Variants in PDE11A observed in about 807,000 individuals in gnomAD.
PDE11A encodes the protein phosphodiesterase 11A.
In PDE11A, 100 loss-of-function variants were observed where a neutral mutation model predicts 100.5. The ratio of observed to expected loss-of-function variants is 1.00; its 90% CI spans 0.85 to 1.18. PDE11A has a LOEUF of 1.18. Among genes scored for constraint, PDE11A ranks in the 50% most tolerant of loss-of-function variants. PDE11A has a pLI of 0.00. For missense variants in PDE11A, 1,141 were observed against 1,152.6 expected, an observed-to-expected ratio of 0.99 and a Z score of 0.15; for synonymous variants, 381 against 420.8, an observed-to-expected ratio of 0.91 and a Z score of 1.16.
At chr2:177,667,606 G>A (rs888652416) in intron 18 of PDE11A, among the ~76,000 whole-genome samples, 1 of 152,186 alleles carries the variant, frequency 6.6e-6, no homozygotes, top group Admixed American at 6.5e-5. Context: ...AAAAAAATGA[G>A]TGTGAGGCCC....
At chr2:178,058,271 T>C (rs992495713) in intron 1 of PDE11A, among the ~76,000 whole-genome samples, 6 of 152,188 alleles carry the variant, frequency 3.9e-5, no homozygotes, top group African/African-American at 7.2e-5. Context: ...CTGATATGGT[T>C]TGGCTGTGTC....
intron 2 of PDE11A, among the ~76,000 whole-genome samples, chr2:178,079,840 C>A (rs1485638131): frequency 6.6e-6 from 1 of 152,160 alleles, no homozygotes; most frequent in Admixed American, 6.5e-5. Context: ...AGAAACAATT[C>A]TGACTGGCAT....
At chr2:178,035,268 A>C (rs1574357271) in intron 1 of PDE11A, among the ~76,000 whole-genome samples, 1 of 152,352 alleles carries the variant, frequency 6.6e-6, no homozygotes, top group Middle Eastern at 3.4e-3. Context: ...AATAAACTAG[A>C]AAATCTAGAA....
At chr2:177,773,385 T>C (rs966073110) in intron 9 of PDE11A, among the ~76,000 whole-genome samples, 2 of 152,218 alleles carry the variant, frequency 1.3e-5, no homozygotes, top group African/African-American at 4.8e-5. Flanking sequence ...AACTTTATAG[T>C]TTTATCTTTT....
intron 16 of PDE11A, among the ~76,000 whole-genome samples, chr2:177,680,216 G>T (rs142278668): frequency 0.018 from 2,749 of 152,232 alleles, 48 homozygotes; most frequent in Middle Eastern, 0.068. Context: ...ACAGCAGAAG[G>T]TCTGGTTGAG....
chr2:177,986,597 C>T (rs1345281208), intron 2 of PDE11A, among the ~76,000 whole-genome samples: 2 of 151,868 alleles, frequency 1.3e-5, no homozygotes, highest in Non-Finnish European at 2.9e-5. Flanking sequence ...TTTGGGAGGC[C>T]GAGGTGGGAG....
intron 13 of PDE11A, among the ~76,000 whole-genome samples, chr2:177,703,216 G>C (rs552724418): frequency 6.6e-6 from 1 of 152,120 alleles, no homozygotes; most frequent in Non-Finnish European, 1.5e-5. Flanking sequence ...TATTAATAAA[G>C]CTACCATTAG....
At chr2:177,802,955 C>A (rs376212523) in intron 9 of PDE11A, among the ~76,000 whole-genome samples, 1 of 151,544 alleles carries the variant, frequency 6.6e-6, no homozygotes, top group Non-Finnish European at 1.5e-5. Flanking sequence ...AATACATGAA[C>A]AAAAACTAGG....
At chr2:177,916,927 ATTTTT>A (rs1183483256) in intron 2 of PDE11A, among the ~76,000 whole-genome samples, 6 of 105,310 alleles carry the variant, frequency 5.7e-5, no homozygotes, top group East Asian at 2.7e-4. Flanking sequence ...CGCCCGGCTA[ATTTTT>A]TTTTTTTTTT....
intron 2 of PDE11A, among the ~76,000 whole-genome samples, chr2:178,002,494 C>G (rs1450299898): frequency 1.3e-5 from 2 of 152,086 alleles, no homozygotes; most frequent in African/African-American, 4.8e-5. Context: ...ATGAGATCTG[C>G]TTTTATTAAA....
At chr2:177,731,328 T>C (rs2081686062) in intron 10 of PDE11A, among the ~76,000 whole-genome samples, 1 of 152,192 alleles carries the variant, frequency 6.6e-6, no homozygotes, top group Non-Finnish European at 1.5e-5. Context: ...AAAGTTTCTA[T>C]TGGAGCTTCT....
intron 9 of PDE11A, among the ~76,000 whole-genome samples, chr2:177,774,544 T>A (rs2082353046): frequency 6.6e-6 from 1 of 152,212 alleles, no homozygotes; most frequent in Admixed American, 6.5e-5. Context: ...CTGCTCTTTA[T>A]GTTTTCTTTT....
chr2:177,769,448 A>T (rs1309139777), intron 9 of PDE11A, 75 bp from the exon 10 acceptor site: 1 of 878,616 alleles, frequency 1.1e-6, no homozygotes, highest in East Asian at 2.6e-5. Flanking sequence ...TGGCTTAAAA[A>T]TAAGCTTTGC....
rs1015727304 is a variant in PDE11A at position 177,703,930 on chromosome 2, C to T, written c.2154-2719G>A. On this transcript the variant is annotated intron_variant, in intron 13 of 19. Coordinates refer to ENST00000286063, the MANE Select transcript of PDE11A (RefSeq NM_016953.4). ...TCTCCCAGTATTTGTGCAAAGGCAG[C>T]CACTGTCTATGGTTTGACCATCTTC... Among the ~76,000 whole-genome samples, 5 of 152,306 alleles carry T rather than the reference C, an allele frequency of 3.3e-5. No individual in the cohort carries two copies. The Middle Eastern group carries it at 0.01, about 311-fold the overall frequency.
At chr2:178,015,074 TGG>T (rs1252921421) in intron 1 of PDE11A, among the ~76,000 whole-genome samples, 1 of 152,218 alleles carries the variant, frequency 6.6e-6, no homozygotes, top group Non-Finnish European at 1.5e-5. Flanking sequence ...CTAATACCAT[TGG>T]GTGAAAATTG....
chr2:177,937,630 G>A (rs747774098), intron 2 of PDE11A, among the ~76,000 whole-genome samples: 9 of 152,136 alleles, frequency 5.9e-5, no homozygotes, highest in African/African-American at 1.2e-4. Flanking sequence ...TTGGCAAGAA[G>A]ATATGACTCT....
Position 177,676,392 on chromosome 2 carries a change from T to G in PDE11A, c.2424-874A>C, listed in dbSNP as rs1054899190. 1.3e-5 allele frequency among the ~76,000 whole-genome samples: 2 copies of G among 152,250 alleles called. 1 individual carries two copies. Among genetic ancestry groups the G allele is most frequent in the South Asian group, 4.1e-4 (2 of 4,832 alleles). ...GCTGGGGAACCACATCTTGGCTAAC[T>G]GCTTTTGGAAGAAAGGGGTATGCAA... On this transcript the variant is annotated intron_variant, in intron 16 of 19. Coordinates refer to ENST00000286063, the MANE Select transcript of PDE11A (RefSeq NM_016953.4).
At chr2:177,936,746 C>T (rs932251009) in intron 2 of PDE11A, among the ~76,000 whole-genome samples, 2 of 152,056 alleles carry the variant, frequency 1.3e-5, no homozygotes, top group Non-Finnish European at 2.9e-5. Context: ...CATGGTGAAA[C>T]CCTGTCTCTA....
At chr2:177,925,522 G>T in intron 2 of PDE11A, among the ~76,000 whole-genome samples, 1 of 152,130 alleles carries the variant, frequency 6.6e-6, no homozygotes, top group Non-Finnish European at 1.5e-5. Context: ...CTGCATAAAT[G>T]TCTTCTTTTG....
Sources: allele counts gnomAD v4.1 joint callset (sites outside exome capture counted in the v4.1 genomes callset), GRCh38; gene constraint gnomAD v4.1.1; transcripts MANE v1.5; gene names NCBI Gene and HGNC (gene_info 2026-07-23, HGNC 2026-07-21).